The following ASAP1 variants were observed in gnomAD, a reference collection of about 807,000 sequenced individuals.
ASAP1 encodes the protein ArfGAP with SH3 domain, ankyrin repeat and PH domain 1, also known as arf-GAP with SH3 domain, ANK repeat and PH domain-containing protein 1.
In ASAP1, 43 loss-of-function variants were observed where a neutral mutation model predicts 145.2. The observed-to-expected ratio is 0.30, with a 90% CI of 0.23 to 0.38. The LOEUF is 0.38. Ranked by LOEUF, ASAP1 falls within the 10% of genes least tolerant of loss-of-function variation. ASAP1 has a pLI of 1.00. For synonymous variants in ASAP1, 546 were observed against 515.5 expected, an observed-to-expected ratio of 1.06 and a Z score of -0.80; for missense variants, 1,018 against 1,355.3, an observed-to-expected ratio of 0.75 and a Z score of 3.91.
chr8:130,062,278 G>T (rs1257236149), intron 27 of ASAP1, among the ~76,000 whole-genome samples: 1 of 152,126 alleles, frequency 6.6e-6, no homozygotes, highest in East Asian at 1.9e-4. Context: ...AAAATATAAC[G>T]TATTCAGAAA....
rs1205391176 is a variant in ASAP1, at chr8:130,268,756, T to C, written c.187-31762A>G. 2.0e-5 allele frequency among the ~76,000 whole-genome samples: 3 copies of C among 152,204 alleles called. No homozygotes were observed. In the South Asian group the frequency reaches 6.2e-4, roughly 32 times the overall value. On this transcript the variant is annotated intron_variant, in intron 3 of 29. Coordinates refer to ENST00000518721, the MANE Select transcript of ASAP1 (RefSeq NM_018482.4). ...ATATTGTTGCATGATATACTACATT[T>C]AGAGGGGAGGCATTCAGGCTCCTTG...
intron 4 of ASAP1, among the ~76,000 whole-genome samples, chr8:130,217,561 G>A (rs1054614709): frequency 1.6e-4 from 16 of 97,182 alleles, no homozygotes; most frequent in African/African-American, 4.5e-4. Flanking sequence ...CACACACACA[G>A]ATCTTTTCCT....
chr8:130,176,793 C>T lies in ASAP1; in HGVS notation c.746+2471G>A, dbSNP rs550695225. Among the ~76,000 whole-genome samples, 10 of 151,766 alleles carry T rather than the reference C, an allele frequency of 6.6e-5. No individual in the cohort carries two copies. The South Asian group carries it at 1.7e-3, about 25-fold the overall frequency. On this transcript the variant is annotated intron_variant, in intron 9 of 29. Transcript: ENST00000518721. ...GCAACCTCTGCCTCCTGGATTCAAG[C>T]GATTCTCCTGCCTCAGCCTCCCAAG...
At chr8:130,282,956 C>T (rs1012912267) in intron 3 of ASAP1, among the ~76,000 whole-genome samples, 4 of 152,214 alleles carry the variant, frequency 2.6e-5, no homozygotes, top group Admixed American at 2.6e-4. Flanking sequence ...ATAGCTTTAG[C>T]TGGCTTTTGC....
intron 23 of ASAP1, among the ~76,000 whole-genome samples, chr8:130,114,460 G>A (rs1271291600): frequency 6.6e-6 from 1 of 152,196 alleles, no homozygotes; most frequent in Non-Finnish European, 1.5e-5. Context: ...AAATGGAGCT[G>A]GAAGGACTGG....
rs572596723 is a variant in ASAP1, at chr8:130,308,716, C to A, written c.186+49301G>T. 2.4e-4 allele frequency among the ~76,000 whole-genome samples: 36 copies of A among 152,194 alleles called. No homozygotes were observed. The East Asian group carries it at 6.0e-3, about 25-fold the overall frequency. The stretch of plus-strand genomic sequence containing the variant: ...AAACATAATTTCAACTCCCTCAGTA[C>A]ATATCAACTAATAAGAAATGGGCCT... On this transcript the variant is annotated intron_variant, in intron 3 of 29. Coordinates refer to ENST00000518721, the MANE Select transcript of ASAP1 (RefSeq NM_018482.4).
At chr8:130,437,865 C>T (rs1830368804) in intron 1 of ASAP1, among the ~76,000 whole-genome samples, 1 of 152,212 alleles carries the variant, frequency 6.6e-6, no homozygotes, top group South Asian at 2.1e-4. Context: ...TCTTCTTTAT[C>T]CCAAACCAGG....
intron 1 of ASAP1, among the ~76,000 whole-genome samples, chr8:130,430,522 C>G (rs1830100281): frequency 6.6e-6 from 1 of 152,172 alleles, no homozygotes; most frequent in African/African-American, 2.4e-5. Context: ...CTGCTTTCCT[C>G]TGACCCTGAC....
intron 1 of ASAP1, among the ~76,000 whole-genome samples, chr8:130,422,009 C>G (rs1431781002): frequency 6.6e-6 from 1 of 152,120 alleles, no homozygotes; most frequent in African/African-American, 2.4e-5. Context: ...ACAAAACAGA[C>G]AGTGAAATGT....
rs545964172 is a variant in ASAP1, at chr8:130,117,573, C to A, written c.1881-578G>T. Reference sequence around the variant, plus strand: ...TCCTCATCATCTGTTGCTTACAGAACAGATAAAGAGAATAAAGAATCCAGC... The same window carrying A: ...TCCTCATCATCTGTTGCTTACAGAAAAGATAAAGAGAATAAAGAATCCAGC... On this transcript the variant is annotated intron_variant, in intron 20 of 29. Transcript: ENST00000518721. Among the ~76,000 whole-genome samples, 65 of 152,266 alleles carry A rather than the reference C, an allele frequency of 4.3e-4. 1 individual carries two copies. The South Asian group carries it at 0.013, about 32-fold the overall frequency.
At chr8:130,424,942 G>A (rs965766407) in intron 1 of ASAP1, among the ~76,000 whole-genome samples, 1 of 148,852 alleles carries the variant, frequency 6.7e-6, no homozygotes, top group East Asian at 2.0e-4. Context: ...GCAGTGAGCC[G>A]AGATCTCACC....
chr8:130,288,401 T>A (rs1821749839), intron 3 of ASAP1, among the ~76,000 whole-genome samples: 1 of 151,966 alleles, frequency 6.6e-6, no homozygotes, highest in African/African-American at 2.4e-5. Context: ...AAAGAGGATA[T>A]CTTTGAGAAT....
chr8:130,092,194 T>A (rs1592779803), intron 24 of ASAP1, 51 bp from the exon 25 acceptor site: 1 of 1,526,210 alleles, frequency 6.6e-7, no homozygotes, highest in East Asian at 2.6e-5. Context: ...GTCTCACAGA[T>A]ACAAAACAGC....
intron 15 of ASAP1, among the ~76,000 whole-genome samples, chr8:130,130,785 T>C (rs191672077): frequency 6.6e-6 from 1 of 152,238 alleles, no homozygotes; most frequent in Admixed American, 6.5e-5. Flanking sequence ...AGTGCACGTA[T>C]GTAGTCCCAG....
At chr8:130,186,560 C>T (rs1034384122) in intron 7 of ASAP1, among the ~76,000 whole-genome samples, 1 of 151,998 alleles carries the variant, frequency 6.6e-6, no homozygotes, top group African/African-American at 2.4e-5. Context: ...CGAGATGGGC[C>T]GAGCACCCTG....
At chr8:130,256,435 C>G (rs1819520960) in intron 3 of ASAP1, among the ~76,000 whole-genome samples, 1 of 151,840 alleles carries the variant, frequency 6.6e-6, no homozygotes, top group African/African-American at 2.4e-5. Flanking sequence ...ACTTCCATCA[C>G]CACTCTGAAT....
chr8:130,322,842 A>G (rs1301962014), intron 3 of ASAP1, among the ~76,000 whole-genome samples: 2 of 152,186 alleles, frequency 1.3e-5, no homozygotes, highest in Admixed American at 6.5e-5. Flanking sequence ...AAGACCTGCA[A>G]TGGAGAGCAG....
chr8:130,359,480 CA>C (rs960212128), intron 2 of ASAP1, among the ~76,000 whole-genome samples: 1 of 152,160 alleles, frequency 6.6e-6, no homozygotes, highest in African/African-American at 2.4e-5. Context: ...TGGGAAGGGC[CA>C]CAGGATTGGT....
In ASAP1 at chr8:130,052,787, A is replaced by G. The variant is rs2097395901; in HGVS notation, c.*1944T>C. 6.8e-6 allele frequency: 1 copy of G among 147,218 alleles called. No homozygotes were observed. Among genetic ancestry groups the G allele is most frequent in the Non-Finnish European group, 1.5e-5 (1 of 67,420 alleles). The allele number at this position is 147,218 out of a possible 1,614,324, so 9.1% of individuals were successfully genotyped here. On this transcript the variant is annotated 3_prime_UTR_variant, in exon 30 of 30. Transcript: ENST00000518721. ...AGTTTATTTTGAGATCAGTGAAAAGAGTCTAGGCCACAGAAAAGAACAGCT... is the reference window on the plus strand; with the variant it reads ...AGTTTATTTTGAGATCAGTGAAAAGGGTCTAGGCCACAGAAAAGAACAGCT...
Sources: gnomAD v4.1 joint callset for allele counts (sites outside exome capture counted in the v4.1 genomes callset) on GRCh38, gnomAD v4.1.1 for gene constraint, MANE v1.5 for transcripts, NCBI Gene and HGNC (gene_info 2026-07-23, HGNC 2026-07-21) for gene names.